Variants in TNFSF4 observed in about 807,000 individuals in gnomAD.
TNFSF4 encodes TNF superfamily member 4.
In TNFSF4, 4 loss-of-function variants were observed where a neutral mutation model predicts 7.3. The observed-to-expected ratio is 0.55, with a 90% CI of 0.27 to 1.25. The LOEUF is 1.25. Ranked by LOEUF, TNFSF4 falls within the 50% of genes most tolerant of loss-of-function variation. TNFSF4 has a pLI of 0.12. For synonymous variants in TNFSF4, 76 were observed against 83.7 expected (o/e 0.91, Z 0.50); for missense variants, 181 against 208.8 (o/e 0.87, Z 0.82).
chr1:173,257,374 C>T, the TNFSF4 span, among the ~76,000 whole-genome samples: 4 of 152,304 alleles, frequency 2.6e-5, no homozygotes, highest in East Asian at 5.8e-4. Flanking sequence ...ATTTCAATGA[C>T]TTATGACACT....
chr1:173,251,925 A>G, the TNFSF4 span, among the ~76,000 whole-genome samples: 1 of 152,196 alleles, frequency 6.6e-6, no homozygotes, highest in Non-Finnish European at 1.5e-5. Flanking sequence ...AAACACAGGA[A>G]CGTGTCCTTT....
chr1:173,262,689 GC>G, the TNFSF4 span, among the ~76,000 whole-genome samples: 26 of 140,144 alleles, frequency 1.9e-4, no homozygotes, highest in Non-Finnish European at 1.9e-4. Flanking sequence ...TGCAAGCTCT[GC>G]CTCCCAGGTT....
chr1:173,449,996 G>C, the TNFSF4 span, among the ~76,000 whole-genome samples: 1 of 152,062 alleles, frequency 6.6e-6, no homozygotes, highest in East Asian at 1.9e-4. Flanking sequence ...ACTAAAAGTT[G>C]ATTATTTTAA....
chr1:173,212,507 C>T, the TNFSF4 span, among the ~76,000 whole-genome samples: 1 of 150,408 alleles, frequency 6.6e-6, no homozygotes, highest in Non-Finnish European at 1.5e-5. Flanking sequence ...TTATTATGCT[C>T]TGTTTCATCT....
the TNFSF4 span, among the ~76,000 whole-genome samples, chr1:173,283,601 G>A: frequency 6.6e-6 from 1 of 151,936 alleles, no homozygotes; most frequent in African/African-American, 2.4e-5. Flanking sequence ...AAAAACAAAG[G>A]CAAAATAAAA....
At chr1:173,343,944 A>G in the TNFSF4 span, among the ~76,000 whole-genome samples, 2 of 152,256 alleles carry the variant, frequency 1.3e-5, no homozygotes, top group African/African-American at 2.4e-5. Context: ...ACATTATTGA[A>G]GTAAAATGAC....
At chr1:173,386,603 A>G in the TNFSF4 span, among the ~76,000 whole-genome samples, 5 of 152,238 alleles carry the variant, frequency 3.3e-5, no homozygotes, top group South Asian at 1.0e-3. Context: ...CATCACAGAG[A>G]GCCCCCACTG....
the TNFSF4 span, among the ~76,000 whole-genome samples, chr1:173,319,419 C>T: frequency 1.1e-4 from 16 of 152,250 alleles, no homozygotes; most frequent in Middle Eastern, 3.4e-3. Flanking sequence ...ACAGCTTCAG[C>T]GGATTTAATC....
intron 1 of TNFSF4, among the ~76,000 whole-genome samples, chr1:173,190,752 T>C (rs1649443377): frequency 6.6e-6 from 1 of 152,220 alleles, no homozygotes; most frequent in Non-Finnish European, 1.5e-5. Context: ...CCAGCATGAA[T>C]TGCCACGTGC....
chr1:173,450,618 A>G, the TNFSF4 span, among the ~76,000 whole-genome samples: 12 of 151,998 alleles, frequency 7.9e-5, no homozygotes, highest in African/African-American at 2.2e-4. Context: ...GGCTCACTCA[A>G]CATTTGAAAA....
the TNFSF4 span, among the ~76,000 whole-genome samples, chr1:173,339,308 G>A: frequency 6.6e-6 from 1 of 152,118 alleles, no homozygotes; most frequent in Non-Finnish European, 1.5e-5. Flanking sequence ...CTTGAGCCCA[G>A]GAGCTAGAGG....
At chr1:173,195,648 T>C (rs4916313) in intron 1 of TNFSF4, among the ~76,000 whole-genome samples, 64,709 of 152,110 alleles carry the variant, frequency 0.43, 15,783 homozygotes, top group African/African-American at 0.67. Flanking sequence ...TAGGATGTGG[T>C]ATGGGGCTGT....
At chr1:173,294,625 C>T in the TNFSF4 span, among the ~76,000 whole-genome samples, 21 of 151,702 alleles carry the variant, frequency 1.4e-4, no homozygotes, top group African/African-American at 5.1e-4. Context: ...AAAACAAACC[C>T]CCCAAAAAAT....
chr1:173,411,442 T>G, the TNFSF4 span, among the ~76,000 whole-genome samples: 1 of 152,234 alleles, frequency 6.6e-6, no homozygotes, highest in Non-Finnish European at 1.5e-5. Context: ...TCTAAAATCC[T>G]CTAGAATATA....
At chr1:173,402,720 T>C in the TNFSF4 span, among the ~76,000 whole-genome samples, 2 of 152,238 alleles carry the variant, frequency 1.3e-5, no homozygotes, top group African/African-American at 2.4e-5. Flanking sequence ...AGGGTGAGTT[T>C]GGGCCAGAAA....
At chr1:173,240,090 G>A in the TNFSF4 span, among the ~76,000 whole-genome samples, 3 of 152,166 alleles carry the variant, frequency 2.0e-5, no homozygotes, top group Middle Eastern at 6.8e-3. Flanking sequence ...CCAAAAGTCA[G>A]TTTCCTACTA....
the TNFSF4 span, among the ~76,000 whole-genome samples, chr1:173,291,183 A>G: frequency 6.6e-6 from 1 of 152,170 alleles, no homozygotes; most frequent in African/African-American, 2.4e-5. Context: ...AGGAGCGAGC[A>G]CCTTACGTGG....
At chr1:173,380,157 T>C in the TNFSF4 span, among the ~76,000 whole-genome samples, 1 of 152,218 alleles carries the variant, frequency 6.6e-6, no homozygotes, top group African/African-American at 2.4e-5. Flanking sequence ...TAACCAGGTA[T>C]TTCTCCTGCC....
At chr1:173,353,705 T>TA in the TNFSF4 span, among the ~76,000 whole-genome samples, 1 of 152,152 alleles carries the variant, frequency 6.6e-6, no homozygotes, top group African/African-American at 2.4e-5. Flanking sequence ...TTCTGTAGAG[T>TA]AAAAAAATCT....
Sources: allele counts gnomAD v4.1 joint callset (sites outside exome capture counted in the v4.1 genomes callset), GRCh38; gene constraint gnomAD v4.1.1; transcripts MANE v1.5; gene names NCBI Gene and HGNC (gene_info 2026-07-23, HGNC 2026-07-21).